Variants in POR observed in about 807,000 individuals in gnomAD.
POR encodes NADPH--cytochrome P450 reductase.
Under a neutral mutation model 84.0 loss-of-function variants are expected in POR, and 56 were observed. The observed-to-expected ratio is 0.67, with a 90% CI of 0.54 to 0.83. The LOEUF (loss-of-function observed/expected upper bound fraction) is 0.83, where lower values mean the gene tolerates loss of function less well. POR is among the 40% of genes least tolerant of loss of function. The pLI is 0.00. For missense variants in POR, 938 were observed against 944.3 expected (o/e 0.99, Z 0.09); for synonymous variants, 414 against 400.5 (o/e 1.03, Z -0.40).
chr7:75,936,652 A>C (rs1445802004), intron 1 of POR, among the ~76,000 whole-genome samples: 1 of 151,784 alleles, frequency 6.6e-6, no homozygotes, highest in Non-Finnish European at 1.5e-5. Flanking sequence ...ATTGTAACAC[A>C]TGCGTGTGTG....
chr7:75,985,379 T>C (rs1287706301), intron 12 of POR, 172 bp downstream of exon 12: 61 of 1,141,848 alleles, frequency 5.3e-5, no homozygotes, highest in Non-Finnish European at 6.7e-5. Context: ...GGCTGGCTTG[T>C]GAGATTCTCA....
intron 2 of POR, among the ~76,000 whole-genome samples, chr7:75,967,214 C>A (rs1469374480): frequency 6.6e-6 from 1 of 152,080 alleles, no homozygotes; most frequent in East Asian, 1.9e-4. Context: ...TGAGCTATGG[C>A]GTCCACCCAC....
chr7:75,952,377 C>T (rs1787476311), intron 1 of POR, among the ~76,000 whole-genome samples: 1 of 142,382 alleles, frequency 7.0e-6, no homozygotes, highest in African/African-American at 2.7e-5. Flanking sequence ...AGAGGCGCCC[C>T]TCACCTCCCG....
intron 1 of POR, among the ~76,000 whole-genome samples, chr7:75,949,739 C>CA (rs1554552507): frequency 1.3e-5 from 2 of 151,390 alleles, no homozygotes; most frequent in African/African-American, 4.9e-5. Context: ...AGGCTGGTCT[C>CA]AAACGCCTGA....
intron 1 of POR, among the ~76,000 whole-genome samples, chr7:75,917,344 A>G (rs1424969183): frequency 1.3e-5 from 2 of 149,692 alleles, no homozygotes; most frequent in Admixed American, 6.7e-5. Flanking sequence ...CTGAGATTAC[A>G]GGTGTGAGCC....
At chr7:75,958,893 G>A (rs1177842189) in intron 2 of POR, among the ~76,000 whole-genome samples, 9 of 152,110 alleles carry the variant, frequency 5.9e-5, no homozygotes, top group Admixed American at 2.6e-4. Context: ...CTTATCTGAA[G>A]TGCTTGCCAG....
chr7:75,967,774 T>G, intron 2 of POR: 1 of 295,550 alleles, frequency 3.4e-6, no homozygotes, highest in Non-Finnish European at 7.0e-6. Flanking sequence ...GGAGGAGGGG[T>G]GTGTGCCCGG....
In POR at chr7:75,981,186, C is replaced by A. The variant is rs1156877317; in HGVS notation, c.641+14C>A. On this transcript the variant is annotated intron_variant, in intron 6 of 15. Coordinates refer to ENST00000461988, the MANE Select transcript of POR (RefSeq NM_000941.3). Reference sequence around the variant, plus strand: ...CGACGATGGGAAGTGAGTGCCCACCCTGCCACCATGATCAGCGCGGCGGGC... The same window carrying A: ...CGACGATGGGAAGTGAGTGCCCACCATGCCACCATGATCAGCGCGGCGGGC... 6.5e-7 allele frequency: 1 copy of A among 1,530,052 alleles called. No individual in the cohort carries two copies. Among genetic ancestry groups the A allele is most frequent in the East Asian group, 2.5e-5 (1 of 40,686 alleles). 94.8% of individuals were successfully genotyped at this position (1,530,052 alleles called of 1,614,324 possible).
At chr7:75,919,382 C>CGT (rs56136603) in intron 1 of POR, among the ~76,000 whole-genome samples, 19,396 of 146,436 alleles carry the variant, frequency 0.13, 1,458 homozygotes, top group Non-Finnish European at 0.18. Flanking sequence ...TCTGTGCGTG[C>CGT]GTGTGTGTGT....
At position 75,972,394 on chromosome 7, in the gene POR, GCA is replaced by G. The variant is rs1262060456; in HGVS notation, c.189-15_189-14del. On this transcript the variant is annotated splice_polypyrimidine_tract_variant and intron_variant, in intron 2 of 15. Coordinates refer to ENST00000461988, the MANE Select transcript of POR (RefSeq NM_000941.3). Reference sequence around the variant, plus strand: ...ATGACACCTGCCTCCCACGCTCATTGCACACTTTTGTCTTGCAGGACCTCCTC... The same window carrying G: ...ATGACACCTGCCTCCCACGCTCATTGCACTTTTGTCTTGCAGGACCTCCTC... 5 of 1,606,770 alleles carry G rather than the reference GCA, an allele frequency of 3.1e-6. No homozygotes were observed. In the Admixed American group the frequency reaches 8.5e-5, roughly 27 times the overall value.
chr7:75,929,109 C>T (rs1466753528), intron 1 of POR, among the ~76,000 whole-genome samples: 3 of 152,048 alleles, frequency 2.0e-5, no homozygotes, highest in Non-Finnish European at 2.9e-5. Flanking sequence ...ACCGCATGAC[C>T]GTCCTTAGTC....
chr7:75,986,423 T>A lies in POR; in HGVS notation c.1985T>A (p.Val662Glu), dbSNP rs782519930. The A allele has an allele frequency of 6.2e-7, 1 of 1,612,400 alleles. No individual in the cohort carries two copies. The highest frequency in any genetic ancestry group is 8.5e-7 in the Non-Finnish European group (1 of 1,179,846). The change falls in exon 16 of 16, where the codon GTG becomes GAG. Residue 662 changes from valine to glutamate, a missense_variant. Transcript: ENST00000461988. ...GGGGCCATGGAGCACGCGCAGGCGG[T>A]GGACTACATCAAGAAACTGATGACC...
At chr7:75,922,941 A>C (rs1806948775) in intron 1 of POR, 1 of 674,674 alleles carries the variant, frequency 1.5e-6, no homozygotes, top group South Asian at 1.6e-5. Flanking sequence ...GGCGGCAGAA[A>C]CATGACAAGG....
intron 1 of POR, chr7:75,923,051 G>A: frequency 2.9e-6 from 2 of 682,194 alleles, no homozygotes; most frequent in Admixed American, 2.1e-5. Context: ...GATGGTGTGA[G>A]TTTACTGGTG....
intron 2 of POR, among the ~76,000 whole-genome samples, chr7:75,970,606 C>T (rs1174364595): frequency 2.0e-5 from 3 of 151,890 alleles, no homozygotes; most frequent in Non-Finnish European, 2.9e-5. Flanking sequence ...CTTGGTTTCC[C>T]AAAGTGCTGG....
At chr7:75,931,511 C>T (rs570988152) in intron 1 of POR, among the ~76,000 whole-genome samples, 10 of 151,954 alleles carry the variant, frequency 6.6e-5, no homozygotes, top group Non-Finnish European at 8.8e-5. Flanking sequence ...GGATTACAGG[C>T]GCCTGTCATC....
chr7:75,934,009 A>G (rs1246102372), intron 1 of POR, among the ~76,000 whole-genome samples: 1 of 151,416 alleles, frequency 6.6e-6, no homozygotes, highest in Admixed American at 6.6e-5. Context: ...GATCAATAGC[A>G]GGAAATTAAC....
intron 1 of POR, among the ~76,000 whole-genome samples, chr7:75,944,379 AT>A (rs1554551903): frequency 6.6e-6 from 1 of 152,134 alleles, no homozygotes; most frequent in Non-Finnish European, 1.5e-5. Context: ...ATACAAAAAA[AT>A]AAATTAGCCA....
At chr7:75,919,746 C>T (rs1806761198) in intron 1 of POR, among the ~76,000 whole-genome samples, 1 of 152,088 alleles carries the variant, frequency 6.6e-6, no homozygotes, top group Admixed American at 6.6e-5. Flanking sequence ...GATGCTTGGA[C>T]GTGTTGTGAA....
Sources: allele counts gnomAD v4.1 joint callset (sites outside exome capture counted in the v4.1 genomes callset), GRCh38; gene constraint gnomAD v4.1.1; transcripts MANE v1.5; gene names NCBI Gene and HGNC (gene_info 2026-07-23, HGNC 2026-07-21).